Variants in CSMD2 observed in about 807,000 individuals in gnomAD.
The protein encoded by CSMD2 is CUB and sushi domain-containing protein 2.
CSMD2 carries 130 observed loss-of-function variants against 398.5 expected under a neutral mutation model. The ratio of observed to expected loss-of-function variants is 0.33; its 90% CI spans 0.28 to 0.38. CSMD2 has a LOEUF of 0.38. CSMD2 is among the 10% of genes least tolerant of loss of function. CSMD2 has a pLI of 1.00. For synonymous variants in CSMD2, 1,828 were observed against 1,908.5 expected (o/e 0.96, Z 1.10); for missense variants, 3,829 against 4,764.9 (o/e 0.80, Z 5.78).
At chr1:33,577,112 T>C (rs180787619) in intron 49 of CSMD2, among the ~76,000 whole-genome samples, 184 bp downstream of exon 49, 61 of 152,196 alleles carry the variant, frequency 4.0e-4, no homozygotes, top group Middle Eastern at 3.4e-3. Flanking sequence ...CACATACCCA[T>C]CTCCCCCATG....
At chr1:34,109,121 A>G (rs1660798615) in intron 1 of CSMD2, among the ~76,000 whole-genome samples, 1 of 152,236 alleles carries the variant, frequency 6.6e-6, no homozygotes, top group Non-Finnish European at 1.5e-5. Flanking sequence ...TCATGAAGAC[A>G]GTGGCAGCAG....
At chr1:33,832,959 C>A (rs369265950) in intron 6 of CSMD2, among the ~76,000 whole-genome samples, 1 of 151,836 alleles carries the variant, frequency 6.6e-6, no homozygotes, top group Non-Finnish European at 1.5e-5. Flanking sequence ...AGGAAGAAGT[C>A]GAATCTCTGA....
chr1:33,617,555 G>A lies in CSMD2; in HGVS notation c.5890C>T (p.Arg1964Cys), dbSNP rs761223081. 5 of 1,614,088 alleles carry A rather than the reference G, an allele frequency of 3.1e-6. No individual in the cohort carries two copies. The highest frequency in any genetic ancestry group is 2.2e-5 in the East Asian group (1 of 44,882). ...VPSNGVKTGE[R>C]YLVNDVVSFQ... ...GACACCACATCATTCACCAAGTAGC[G>A]CTCGCCAGTCTTCACCCCGTTACTG... The change falls in exon 38 of 71, where the codon CGC becomes TGC. Residue 1964 changes from arginine (R) to cysteine (C), a missense_variant. Arg to Cys is a radical substitution (Grantham distance 180). Around this residue, in one of 5 missense-constraint regions of CSMD2, gnomAD observed 2,001 missense variants for 2,567.1 expected, o/e 0.78. Coordinates refer to ENST00000373381, the MANE Select transcript of CSMD2 (RefSeq NM_001281956.2).
chr1:33,726,333 C>T (rs1285238881), intron 16 of CSMD2, among the ~76,000 whole-genome samples: 1 of 152,174 alleles, frequency 6.6e-6, no homozygotes, highest in African/African-American at 2.4e-5. Context: ...CTTCTCTTCA[C>T]CCCTCCTGCC....
intron 5 of CSMD2, among the ~76,000 whole-genome samples, chr1:33,880,376 C>G (rs1248676282): frequency 6.6e-6 from 1 of 151,690 alleles, no homozygotes; most frequent in Non-Finnish European, 1.5e-5. Flanking sequence ...TTAATACATT[C>G]AAACTTTCTA....
intron 32 of CSMD2, among the ~76,000 whole-genome samples, chr1:33,630,630 A>G (rs1242802942): frequency 1.3e-5 from 2 of 148,648 alleles, no homozygotes; most frequent in African/African-American, 5.1e-5. Flanking sequence ...TTAAATATTT[A>G]GAAAACTAAA....
Position 33,724,212 on chromosome 1 carries a change from T to C in CSMD2, c.2986A>G (p.Thr996Ala), listed in dbSNP as rs1218025697. The C allele has an allele frequency of 3.1e-6, 5 of 1,612,756 alleles. No individual in the cohort carries two copies. Among genetic ancestry groups the C allele is most frequent in the Non-Finnish European group, 4.2e-6 (5 of 1,178,938 alleles). ...NNLNCTWIIE[T>A]SHGKGVFFTF... ...AAACACTCACCCTTGCCATGAGATG[T>C]TTCGATAATCCAGGTGCAGTTCAAG... The change falls in exon 19 of 71, where the codon ACA (threonine) becomes GCA (alanine). Residue 996 changes from threonine to alanine, a missense_variant. Around this residue, in one of 5 missense-constraint regions of CSMD2, gnomAD observed 2,001 missense variants for 2,567.1 expected, o/e 0.78. Transcript: ENST00000373381.
chr1:33,687,427 G>A (rs1645094957), intron 25 of CSMD2, among the ~76,000 whole-genome samples: 1 of 152,072 alleles, frequency 6.6e-6, no homozygotes, highest in South Asian at 2.1e-4. Context: ...TAAAGAACAG[G>A]ATAATTACTG....
At chr1:33,998,172 G>A (rs1646785620) in intron 3 of CSMD2, among the ~76,000 whole-genome samples, 2 of 152,198 alleles carry the variant, frequency 1.3e-5, no homozygotes, top group South Asian at 4.2e-4. Context: ...GGAACTGGTG[G>A]CTTTATAAGA....
intron 3 of CSMD2, among the ~76,000 whole-genome samples, chr1:33,958,901 A>T: frequency 6.6e-6 from 1 of 152,206 alleles, no homozygotes; most frequent in East Asian, 1.9e-4. Context: ...AAGCTGAAAC[A>T]GTTAGTGTTT....
intron 13 of CSMD2, among the ~76,000 whole-genome samples, chr1:33,757,171 T>G (rs1200830723): frequency 7.9e-4 from 104 of 131,308 alleles, no homozygotes; most frequent in African/African-American, 1.5e-3. Flanking sequence ...GTGGGGGGAG[T>G]GGGGAGGGAT....
intron 5 of CSMD2, among the ~76,000 whole-genome samples, chr1:33,888,960 C>T (rs1014874593): frequency 7.2e-5 from 11 of 152,006 alleles, no homozygotes; most frequent in African/African-American, 2.4e-4. Context: ...TTAGTAGAGA[C>T]GGAGTTTCAC....
intron 25 of CSMD2, among the ~76,000 whole-genome samples, chr1:33,684,590 C>T (rs1377999723): frequency 6.6e-6 from 1 of 152,218 alleles, no homozygotes; most frequent in Non-Finnish European, 1.5e-5. Flanking sequence ...TCCCTGGCTT[C>T]CCAGCCAATT....
At chr1:33,536,152 G>A (rs1395947536) in intron 62 of CSMD2, among the ~76,000 whole-genome samples, 1 of 152,138 alleles carries the variant, frequency 6.6e-6, no homozygotes, top group Non-Finnish European at 1.5e-5. Flanking sequence ...AGGTGAGTCC[G>A]ATATTTTCCT....
intron 2 of CSMD2, among the ~76,000 whole-genome samples, chr1:34,070,659 T>G (rs1571000719): frequency 6.6e-6 from 1 of 152,222 alleles, no homozygotes; most frequent in Admixed American, 6.5e-5. Flanking sequence ...CAAATCTGCC[T>G]CTGTCTGCAA....
chr1:34,156,566 T>C (rs1054814285), intron 1 of CSMD2, among the ~76,000 whole-genome samples: 1 of 152,040 alleles, frequency 6.6e-6, no homozygotes, highest in Admixed American at 6.5e-5. Context: ...TGTTTTCTAT[T>C]TGAAAACCTT....
chr1:33,775,438 C>T (rs191938933), intron 12 of CSMD2, among the ~76,000 whole-genome samples: 35 of 152,134 alleles, frequency 2.3e-4, no homozygotes, highest in Admixed American at 2.0e-3. Flanking sequence ...ACTTAAATTT[C>T]GTGCCCATGA....
chr1:34,073,721 G>A (rs762334851), intron 2 of CSMD2, among the ~76,000 whole-genome samples: 1 of 152,224 alleles, frequency 6.6e-6, no homozygotes, highest in Non-Finnish European at 1.5e-5. Flanking sequence ...GGTATAGTGG[G>A]GGAAAGCCTT....
intron 1 of CSMD2, among the ~76,000 whole-genome samples, chr1:34,141,385 T>G (rs1326852707): frequency 1.3e-5 from 2 of 152,016 alleles, no homozygotes; most frequent in Non-Finnish European, 2.9e-5. Flanking sequence ...AATGCATACA[T>G]CCTATGTTGG....
Sources: gnomAD v4.1 joint callset for allele counts (sites outside exome capture counted in the v4.1 genomes callset) on GRCh38, gnomAD v4.1.1 for gene constraint, gnomAD v4.1.1 regional missense constraint, MANE v1.5 for transcripts, NCBI Gene and HGNC (gene_info 2026-07-23, HGNC 2026-07-21) for gene names.